Variants in LETM1 observed in about 807,000 individuals in gnomAD.
LETM1 encodes the protein leucine zipper and EF-hand containing transmembrane protein 1, also known as mitochondrial proton/calcium exchanger protein.
LETM1 carries 50 observed loss-of-function variants against 74.5 expected under a neutral mutation model. That is an observed-to-expected ratio of 0.67 (90% CI 0.53 to 0.85). The LOEUF (loss-of-function observed/expected upper bound fraction) is 0.85, where lower values mean the gene tolerates loss of function less well. Among genes scored for constraint, LETM1 ranks in the 40% least tolerant of loss-of-function variants. LETM1 has a pLI of 0.00. For synonymous variants in LETM1, 446 were observed against 407.1 expected (o/e 1.10, Z -1.15); for missense variants, 824 against 967.8 (o/e 0.85, Z 1.97).
chr4:1,846,044 A>G (rs1712872592), intron 2 of LETM1, among the ~76,000 whole-genome samples: 1 of 151,232 alleles, frequency 6.6e-6, no homozygotes, highest in Admixed American at 6.6e-5. Context: ...TTTAGTAGAG[A>G]TGGGGTTTCA....
intron 6 of LETM1, among the ~76,000 whole-genome samples, chr4:1,830,127 G>A (rs932487433): frequency 6.6e-6 from 1 of 152,142 alleles, no homozygotes; most frequent in African/African-American, 2.4e-5. Context: ...TAACACAGAT[G>A]GTTGACACTT....
chr4:1,827,780 G>A (rs1712051599), intron 6 of LETM1, among the ~76,000 whole-genome samples: 1 of 149,738 alleles, frequency 6.7e-6, no homozygotes, highest in African/African-American at 2.5e-5. Flanking sequence ...TGTCATCCTG[G>A]CCCGTTCTCA....
Position 1,834,859 on chromosome 4 carries a change from C to A in LETM1, c.862G>T (p.Val288Leu), listed in dbSNP as rs770092773. ...AKGSATKDFS[V>L]FFQKIRETGE... ...TATCACAGCACCTTCTGGAAAAACA[C>A]AGAGAAGTCTTTGGTGGCGCTGCCC... Residue 288 changes from valine to leucine, a missense_variant, in exon 5 of 14, where the codon GTG (valine) becomes TTG (leucine). Around this residue, in one of 4 missense-constraint regions of LETM1, gnomAD observed 269 missense variants for 348.8 expected, o/e 0.77. Coordinates refer to ENST00000302787, the MANE Select transcript of LETM1 (RefSeq NM_012318.3). This position sits in a 1 kb window ranked among gnomAD's most constrained non-coding sequence, Gnocchi z 5.0. The A allele has an allele frequency of 3.7e-6, 6 of 1,614,070 alleles. No individual in the cohort carries two copies. Among genetic ancestry groups the A allele is most frequent in the Middle Eastern group, 3.3e-4 (2 of 6,082 alleles).
At chr4:1,819,100 A>G (rs1417363784) in intron 11 of LETM1, among the ~76,000 whole-genome samples, 2 of 151,018 alleles carry the variant, frequency 1.3e-5, no homozygotes, top group Non-Finnish European at 3.0e-5. Flanking sequence ...AAAAAAAAAA[A>G]GGTGCACACA....
intron 2 of LETM1, chr4:1,846,723 T>C (rs1423304798): frequency 6.6e-6 from 1 of 152,222 alleles, no homozygotes; most frequent in Admixed American, 6.6e-5. Context: ...TTTCTGCTAT[T>C]GTGATACCGC....
intron 2 of LETM1, among the ~76,000 whole-genome samples, chr4:1,844,950 G>C (rs1051339339): frequency 6.7e-6 from 1 of 149,786 alleles, no homozygotes; most frequent in Admixed American, 6.7e-5. Context: ...CTAGCACTTT[G>C]AGAGGCCGAG....
rs1451648694 is a variant in LETM1, at chr4:1,832,957, T to C, written c.877-10A>G. 2 of 1,611,856 alleles carry C rather than the reference T, an allele frequency of 1.2e-6. No homozygotes were observed. Among genetic ancestry groups the C allele is most frequent in the Non-Finnish European group, 1.7e-6 (2 of 1,179,716 alleles). On this transcript the variant is annotated splice_polypyrimidine_tract_variant and intron_variant, in intron 5 of 13. Transcript: ENST00000302787. ...CCCCTGTTTCCCGGATCTGCGGAAG[T>C]GGTCACAAGGGTCATCCCCGGGACA...
At position 1,836,507 on chromosome 4, in the gene LETM1, G is replaced by A; in HGVS notation, c.660C>T (p.Phe220=). 1 of 1,614,022 alleles carries A rather than the reference G, an allele frequency of 6.2e-7. No homozygotes were observed. Among genetic ancestry groups the A allele is most frequent in the African/African-American group, 1.3e-5 (1 of 74,996 alleles). The change falls in exon 4 of 14, where the codon TTC becomes TTT. Residue 220 remains phenylalanine, a synonymous_variant. Coordinates refer to ENST00000302787, the MANE Select transcript of LETM1 (RefSeq NM_012318.3). The surrounding 1 kb of genome is among the most constrained non-coding windows in gnomAD (Gnocchi z 5.8). ...CAGCAACAGGCAGCAGAAACTCCAT[G>A]AACGGCACCACCACGAACACAAGGA... ...VPFLVFVVVP[F]MEFLLPVAVK...
intron 11 of LETM1, 50 bp downstream of exon 11, chr4:1,819,288 G>A (rs377021535): frequency 1.1e-5 from 17 of 1,559,766 alleles, no homozygotes; most frequent in East Asian, 2.3e-5. Flanking sequence ...CCAGTACAGC[G>A]ATTTTACTCT....
chr4:1,827,928 C>G (rs930670037), intron 6 of LETM1, among the ~76,000 whole-genome samples: 6 of 148,774 alleles, frequency 4.0e-5, no homozygotes, highest in African/African-American at 1.2e-4. Flanking sequence ...GGCTGACCCC[C>G]CAACCTCCCT....
rs371280117 is a variant in LETM1, at chr4:1,834,803, G to C, written c.876+42C>G. 1.6e-5 allele frequency: 25 copies of C among 1,606,208 alleles called. No homozygotes were observed. The highest frequency in any genetic ancestry group is 5.0e-5 in the Admixed American group (3 of 59,652). ...AAAGGGAAACAGAAAATCAGGGAAG[G>C]CTCCCTGGTGAGGTCACAGGGACTC... On this transcript the variant is annotated intron_variant, in intron 5 of 13. Transcript: ENST00000302787. This position sits in a 1 kb window ranked among gnomAD's most constrained non-coding sequence, Gnocchi z 5.0.
intron 12 of LETM1, 100 bp from the exon 13 acceptor site, chr4:1,815,902 G>T: frequency 1.4e-6 from 2 of 1,461,714 alleles, no homozygotes; most frequent in Non-Finnish European, 1.9e-6. Context: ...ACTGACACAG[G>T]CGGCTCCGCG....
rs751381212 is a variant in LETM1 at position 1,823,063 on chromosome 4, C to G, written c.1401G>C (p.Glu467Asp). ...TGGCCGCCTCCTCCTGCAGCGTGGC[C>G]TCCAGCTTGGCCTTGTTGTCCACCT... is the stretch of plus-strand genomic sequence containing the variant. Reference protein sequence around the residue: ...GEQVDNKAKLEATLQEEAAIQ... With the variant: ...GEQVDNKAKLDATLQEEAAIQ... The change falls in exon 9 of 14, where the codon GAG (glutamate) becomes GAC (aspartate). Residue 467 changes from glutamate (E) to aspartate (D), a missense_variant. Physicochemically the swap from Glu to Asp is conservative, Grantham distance 45 (BLOSUM62 2). Coordinates refer to ENST00000302787, the MANE Select transcript of LETM1 (RefSeq NM_012318.3). 6 of 1,610,434 alleles carry G rather than the reference C, an allele frequency of 3.7e-6. No individual in the cohort carries two copies. Among genetic ancestry groups the G allele is most frequent in the Non-Finnish European group, 5.1e-6 (6 of 1,178,062 alleles).
Position 1,814,466 on chromosome 4 carries a change from G to A in LETM1, c.2178C>T (p.Ala726=). 1 of 1,614,082 alleles carries A rather than the reference G, an allele frequency of 6.2e-7. No homozygotes were observed. The highest frequency in any genetic ancestry group is 1.1e-5 in the South Asian group (1 of 91,078). Residue 726 remains alanine (A), a synonymous_variant, in exon 14 of 14, where the codon GCC becomes GCT. Transcript: ENST00000302787. ...KEEKVEEKEK[A]KEKAEKEVAE... is the part of the protein sequence containing the mutation. ...CGACCTCCTTCTCTGCCTTCTCTTT[G>A]GCCTTCTCCTTCTCCTCCACCTTCT...
At chr4:1,822,408 G>C in intron 9 of LETM1, 96 bp from the exon 10 acceptor site, 1 of 1,284,112 alleles carries the variant, frequency 7.8e-7, no homozygotes, top group Non-Finnish European at 1.0e-6. Flanking sequence ...AGGCCACACT[G>C]GGAGCAGGCC....
rs1208396107 is a variant in LETM1, at chr4:1,814,547, ATCT to A, written c.2094_2096del (p.Glu698del). On this transcript the variant is annotated inframe_deletion, in exon 14 of 14. Transcript: ENST00000302787. ...CCACCTGGCTGGTGGAGATGTGAAC[ATCT>A]TCTTTGTCCACCAGCTCAATCACCT... The A allele has an allele frequency of 6.2e-7, 1 of 1,613,680 alleles. No homozygotes were observed. Among genetic ancestry groups the A allele is most frequent in the Non-Finnish European group, 8.5e-7 (1 of 1,179,844 alleles).
At chr4:1,831,674 C>T (rs750466738) in intron 6 of LETM1, among the ~76,000 whole-genome samples, 4 of 152,182 alleles carry the variant, frequency 2.6e-5, no homozygotes, top group Non-Finnish European at 4.4e-5. Flanking sequence ...TGTTGTGTCC[C>T]GGCAAGGGCG....
intron 1 of LETM1, among the ~76,000 whole-genome samples, chr4:1,852,767 G>A (rs942686027): frequency 7.2e-5 from 11 of 152,184 alleles, no homozygotes; most frequent in Non-Finnish European, 1.3e-4. Flanking sequence ...TCAGCTGGCA[G>A]GAGGATCGCT....
chr4:1,855,402 T>C (rs546619504), intron 1 of LETM1, among the ~76,000 whole-genome samples: 1 of 152,246 alleles, frequency 6.6e-6, no homozygotes, highest in South Asian at 2.1e-4. Flanking sequence ...CAGGGGTTTG[T>C]AGGTGCTGGC....
Sources: allele counts gnomAD v4.1 joint callset (sites outside exome capture counted in the v4.1 genomes callset), GRCh38; gene constraint gnomAD v4.1.1; regional missense constraint gnomAD v4.1.1; non-coding constraint Gnocchi (gnomAD v3.1); transcripts MANE v1.5; gene names NCBI Gene and HGNC (gene_info 2026-07-23, HGNC 2026-07-21).